PKNOX1: variants seen among roughly 807,000 people sequenced by gnomAD.
The protein encoded by PKNOX1 is PBX/knotted 1 homeobox 1.
A neutral mutation model predicts 51.9 loss-of-function variants in PKNOX1; 15 were observed. The observed-to-expected ratio is 0.29, with a 90% CI of 0.19 to 0.45. The LOEUF (loss-of-function observed/expected upper bound fraction) is 0.45, where lower values mean the gene tolerates loss of function less well. Ranked by LOEUF, PKNOX1 falls within the 20% of genes least tolerant of loss-of-function variation. PKNOX1 has a pLI of 1.00. For missense variants in PKNOX1, 462 were observed against 547.5 expected (o/e 0.84, Z 1.56); for synonymous variants, 219 against 211.1 (o/e 1.04, Z -0.32).
chr21:42,995,923 G>T (rs915147201), intron 1 of PKNOX1, among the ~76,000 whole-genome samples: 2 of 152,080 alleles, frequency 1.3e-5, no homozygotes, highest in African/African-American at 2.4e-5. Context: ...TATTTTTAAA[G>T]AAAAACTTAT....
At chr21:42,989,367 C>T (rs1317897502) in intron 1 of PKNOX1, among the ~76,000 whole-genome samples, 2 of 152,030 alleles carry the variant, frequency 1.3e-5, no homozygotes, top group Non-Finnish European at 2.9e-5. Flanking sequence ...GTCAGGATAA[C>T]ATTGCTTAGA....
At position 43,021,626 on chromosome 21, in the gene PKNOX1, G is replaced by A. The variant is rs993354243; in HGVS notation, c.849+195G>A. ...AACTTGAAGGGCAATGAGGGCTGCCGTGAAGGAGCACCCGAGCACATGTGA... is the reference window on the plus strand; with the variant it reads ...AACTTGAAGGGCAATGAGGGCTGCCATGAAGGAGCACCCGAGCACATGTGA... On this transcript the variant is annotated intron_variant, in intron 8 of 10. Transcript: ENST00000291547. The surrounding 1 kb of genome is among the most constrained non-coding windows in gnomAD (Gnocchi z 4.6). Among the ~76,000 whole-genome samples, 1 of 152,228 alleles carries A rather than the reference G, an allele frequency of 6.6e-6. No homozygotes were observed. Among genetic ancestry groups the A allele is most frequent in the African/African-American group, 2.4e-5 (1 of 41,446 alleles).
At chr21:42,981,152 G>A (rs1441807989) in intron 1 of PKNOX1, among the ~76,000 whole-genome samples, 2 of 152,212 alleles carry the variant, frequency 1.3e-5, no homozygotes, top group African/African-American at 4.8e-5. Context: ...TCTGTCTTGT[G>A]TACACTGTTC....
At chr21:42,985,882 T>C (rs1309862537) in intron 1 of PKNOX1, among the ~76,000 whole-genome samples, 1 of 151,774 alleles carries the variant, frequency 6.6e-6, no homozygotes, top group Non-Finnish European at 1.5e-5. Flanking sequence ...GTGCCTATAA[T>C]TCCAGCTACT....
chr21:42,992,502 A>G (rs1260627936), intron 1 of PKNOX1, among the ~76,000 whole-genome samples: 1 of 152,182 alleles, frequency 6.6e-6, no homozygotes, highest in African/African-American at 2.4e-5. Context: ...GTGGACCAGG[A>G]ATATGGAGAG....
rs1406031030 is a variant in PKNOX1 at position 43,033,057 on chromosome 21, TCC to T, written c.*2957_*2958del. 1.3e-5 allele frequency: 2 copies of T among 152,304 alleles called. No homozygotes were observed. Among genetic ancestry groups the T allele is most frequent in the Admixed American group, 6.5e-5 (1 of 15,300 alleles). The allele number at this position is 152,304 out of a possible 1,614,324, so 9.4% of individuals were successfully genotyped here. A position where few individuals can be genotyped will look rare whatever the true frequency, so the allele number is the denominator to read the frequency against. The stretch of plus-strand genomic sequence containing the variant: ...TTGTTGAGTTTTTCCCTATGAAGGC[TCC>T]TTTTGAATGTGTCTTGAGACCCAAA... On this transcript the variant is annotated 3_prime_UTR_variant, in exon 11 of 11. Coordinates refer to ENST00000291547, the MANE Select transcript of PKNOX1 (RefSeq NM_004571.5).
rs887338863 is a variant in PKNOX1, at chr21:43,032,802, C to T, written c.*2701C>T. ...ATAAAGATCACTTAGAGAAAGGGTG[C>T]TTATGGACATAGCCTGAGTTTCCTT... On this transcript the variant is annotated 3_prime_UTR_variant, in exon 11 of 11. Coordinates refer to ENST00000291547, the MANE Select transcript of PKNOX1 (RefSeq NM_004571.5). 1 of 152,188 alleles carries T rather than the reference C, an allele frequency of 6.6e-6. No homozygotes were observed. The highest frequency in any genetic ancestry group is 1.9e-4 in the East Asian group (1 of 5,196). The allele number at this position is 152,188 out of a possible 1,614,324, so 9.4% of individuals were successfully genotyped here.
At position 43,007,624 on chromosome 21, in the gene PKNOX1, G is replaced by T. The variant is rs1568897239; in HGVS notation, c.179+6G>T. On this transcript the variant is annotated splice_donor_region_variant and intron_variant, in intron 3 of 10. Transcript: ENST00000291547. ...GACAAGCAGGCCATTTATAGGTAGT[G>T]CCCGGGGTGCCGGCTGTGGGGGCCT... The T allele has an allele frequency of 1.9e-6, 3 of 1,613,962 alleles. No individual in the cohort carries two copies. In the Admixed American group the frequency reaches 5.0e-5, roughly 27 times the overall value.
rs763844169 is a variant in PKNOX1 at position 43,032,259 on chromosome 21, A to G, written c.*2158A>G. ...AAGATCATTTTTAACCTAAGTTCCA[A>G]CTTTGTTGGACTCCTTAAAATAAGC... On this transcript the variant is annotated 3_prime_UTR_variant, in exon 11 of 11. Coordinates refer to ENST00000291547, the MANE Select transcript of PKNOX1 (RefSeq NM_004571.5). 9 of 437,214 alleles carry G rather than the reference A, an allele frequency of 2.1e-5. No homozygotes were observed. The highest frequency in any genetic ancestry group is 1.4e-4 in the South Asian group (9 of 63,818). The allele number at this position is 437,214 out of a possible 1,614,324, so 27.1% of individuals were successfully genotyped here. A position where few individuals can be genotyped will look rare whatever the true frequency, so the allele number is the denominator to read the frequency against.
At chr21:43,008,812 T>C (rs1398734319) in intron 3 of PKNOX1, among the ~76,000 whole-genome samples, 6 of 152,082 alleles carry the variant, frequency 3.9e-5, no homozygotes, top group Non-Finnish European at 7.3e-5. Context: ...AAGTTCAGCA[T>C]AGAATTATAT....
chr21:43,018,469 G>GCGC (rs1555862658), intron 7 of PKNOX1, among the ~76,000 whole-genome samples: 1 of 11,044 alleles, frequency 9.1e-5, no homozygotes, highest in Non-Finnish European at 1.9e-4. Flanking sequence ...ACCACCCCCT[G>GCGC]CCACCCACAC....
At chr21:43,013,466 C>T (rs1258022191) in intron 5 of PKNOX1, among the ~76,000 whole-genome samples, 1 of 152,192 alleles carries the variant, frequency 6.6e-6, no homozygotes, top group Non-Finnish European at 1.5e-5. Context: ...TTATGGAAGG[C>T]ACAATTCCAT....
At chr21:43,008,060 G>GTCTC (rs1555860465) in intron 3 of PKNOX1, among the ~76,000 whole-genome samples, 88 of 95,094 alleles carry the variant, frequency 9.3e-4, no homozygotes, top group East Asian at 7.8e-4. Context: ...GCAAAACTCT[G>GTCTC]TCACACACAC....
chr21:42,981,699 A>G (rs1000911199), intron 1 of PKNOX1, among the ~76,000 whole-genome samples: 1 of 152,156 alleles, frequency 6.6e-6, no homozygotes, highest in African/African-American at 2.4e-5. Context: ...AGCTGGGATT[A>G]CAGGCACGTG....
intron 1 of PKNOX1, among the ~76,000 whole-genome samples, chr21:42,980,725 AGCTGTG>A (rs1471562668): frequency 6.6e-6 from 1 of 152,226 alleles, no homozygotes; most frequent in East Asian, 1.9e-4. Context: ...AACCGGATTG[AGCTGTG>A]GCTCTGGTAA....
chr21:43,009,480 G>C (rs1341985388), intron 3 of PKNOX1, among the ~76,000 whole-genome samples: 1 of 151,462 alleles, frequency 6.6e-6, no homozygotes, highest in East Asian at 1.9e-4. Flanking sequence ...CATCATGGCG[G>C]GTGCCTGTAG....
At chr21:43,016,185 C>T (rs569321492) in intron 5 of PKNOX1, among the ~76,000 whole-genome samples, 7 of 152,300 alleles carry the variant, frequency 4.6e-5, no homozygotes, top group South Asian at 2.1e-4. Context: ...GTGCCAGGCC[C>T]GGCACTGGAG....
At chr21:43,011,247 T>C (rs1979238018) in intron 4 of PKNOX1, among the ~76,000 whole-genome samples, 1 of 151,540 alleles carries the variant, frequency 6.6e-6, no homozygotes, top group African/African-American at 2.4e-5. Flanking sequence ...TTTTTTGTAT[T>C]TTTAGTAGAG....
chr21:42,978,011 T>C (rs889513928), intron 1 of PKNOX1, among the ~76,000 whole-genome samples: 3 of 152,140 alleles, frequency 2.0e-5, no homozygotes, highest in Admixed American at 6.6e-5. Context: ...TGTTTCACTT[T>C]CTTTCCCTCC....
Sources: gnomAD v4.1 joint callset for allele counts (sites outside exome capture counted in the v4.1 genomes callset) on GRCh38, gnomAD v4.1.1 for gene constraint, Gnocchi (gnomAD v3.1) non-coding constraint, MANE v1.5 for transcripts, NCBI Gene and HGNC (gene_info 2026-07-23, HGNC 2026-07-21) for gene names.